Variants in LRMDA observed in about 807,000 individuals in gnomAD.
LRMDA encodes leucine rich melanocyte differentiation associated.
In LRMDA, 18 loss-of-function variants were observed where a neutral mutation model predicts 29.8. The observed-to-expected ratio is 0.60, with a 90% confidence interval of 0.42 to 0.90. The LOEUF is 0.90. LRMDA is among the 40% of genes least tolerant of loss of function. The pLI is 0.00. For missense variants in LRMDA, 273 were observed against 273.9 expected, an observed-to-expected ratio of 1.00 and a Z score of 0.02; for synonymous variants, 125 against 109.4, an observed-to-expected ratio of 1.14 and a Z score of -0.89.
chr10:76,363,174 A>AAGG (rs1564520654), intron 6 of LRMDA, among the ~76,000 whole-genome samples: 1 of 18,340 alleles, frequency 5.5e-5, no homozygotes, highest in East Asian at 5.4e-4. Context: ...AGAAAGAAAG[A>AAGG]AAGGAGGGAG....
intron 6 of LRMDA, among the ~76,000 whole-genome samples, chr10:76,337,152 G>A (rs537372502): frequency 2.0e-5 from 3 of 152,254 alleles, no homozygotes; most frequent in South Asian, 2.1e-4. Context: ...ATCCCTGGAA[G>A]TTTATTAATT....
chr10:76,194,461 T>C (rs1851300176), intron 5 of LRMDA, among the ~76,000 whole-genome samples: 1 of 151,648 alleles, frequency 6.6e-6, no homozygotes, highest in Admixed American at 6.6e-5. Context: ...GAATGAAGAG[T>C]AGAAAAATGA....
At chr10:75,750,483 C>CCGG (rs1842946958) in intron 2 of LRMDA, among the ~76,000 whole-genome samples, 1 of 45,466 alleles carries the variant, frequency 2.2e-5, no homozygotes, top group East Asian at 6.0e-4. Flanking sequence ...CCAGACGGGG[C>CCGG]GGGGGGTGGG....
At chr10:75,465,707 C>T (rs1452207769) in intron 2 of LRMDA, among the ~76,000 whole-genome samples, 1 of 152,194 alleles carries the variant, frequency 6.6e-6, no homozygotes, top group Non-Finnish European at 1.5e-5. Flanking sequence ...ACATTTCATG[C>T]TGACCACTGC....
intron 6 of LRMDA, among the ~76,000 whole-genome samples, chr10:76,522,931 C>T (rs1843136029): frequency 6.6e-6 from 1 of 152,074 alleles, no homozygotes; most frequent in South Asian, 2.1e-4. Context: ...CTTCTGTGGG[C>T]TCTTTCATGG....
intron 6 of LRMDA, chr10:76,437,390 C>A (rs2132288359): frequency 6.6e-6 from 1 of 152,312 alleles, no homozygotes; most frequent in East Asian, 1.9e-4. Flanking sequence ...GTTGCCAGAG[C>A]CAAGATAAGA....
chr10:76,544,176 C>T (rs1370473125), intron 6 of LRMDA, among the ~76,000 whole-genome samples: 8 of 152,148 alleles, frequency 5.3e-5, no homozygotes, highest in South Asian at 2.1e-4. Context: ...GCAATGTCTA[C>T]GCTGTTAATT....
chr10:75,918,634 C>T (rs1470007195), intron 2 of LRMDA, among the ~76,000 whole-genome samples: 1 of 152,202 alleles, frequency 6.6e-6, no homozygotes, highest in African/African-American at 2.4e-5. Context: ...TTAGAAGGGA[C>T]ACATATCCAA....
intron 2 of LRMDA, among the ~76,000 whole-genome samples, chr10:75,529,530 T>C (rs1466540841): frequency 6.6e-6 from 1 of 152,132 alleles, no homozygotes; most frequent in Non-Finnish European, 1.5e-5. Flanking sequence ...TCCAGGGTCA[T>C]GGGCGAGGGA....
At chr10:76,273,473 G>A (rs764262303) in intron 5 of LRMDA, among the ~76,000 whole-genome samples, 3 of 152,028 alleles carry the variant, frequency 2.0e-5, no homozygotes, top group East Asian at 1.9e-4. Flanking sequence ...TTAAAATCAC[G>A]TTGCCTTTTT....
chr10:75,955,780 T>C (rs1179601078), intron 2 of LRMDA, among the ~76,000 whole-genome samples: 2 of 152,204 alleles, frequency 1.3e-5, no homozygotes, highest in African/African-American at 4.8e-5. Flanking sequence ...TTCCTGTGGC[T>C]TGCTGAGCCC....
At chr10:76,121,109 G>A (rs1019744452) in intron 5 of LRMDA, among the ~76,000 whole-genome samples, 3 of 151,570 alleles carry the variant, frequency 2.0e-5, no homozygotes, top group African/African-American at 7.3e-5. Context: ...CCCGCACGTA[G>A]GATCTCAATT....
At chr10:76,252,527 T>A (rs933411381) in intron 5 of LRMDA, among the ~76,000 whole-genome samples, 22 of 152,186 alleles carry the variant, frequency 1.4e-4, no homozygotes, top group African/African-American at 5.3e-4. Context: ...AGCAGAGCCA[T>A]TTATCTCTGA....
chr10:75,575,495 A>C (rs1840492240), intron 2 of LRMDA, among the ~76,000 whole-genome samples: 1 of 152,222 alleles, frequency 6.6e-6, no homozygotes, highest in South Asian at 2.1e-4. Context: ...CTATTCCAAA[A>C]GGGAGAAATC....
chr10:76,549,081 T>C (rs1843456369), intron 6 of LRMDA, among the ~76,000 whole-genome samples: 1 of 152,158 alleles, frequency 6.6e-6, no homozygotes, highest in African/African-American at 2.4e-5. Flanking sequence ...CCTGCATTTT[T>C]TTCTCCTCTC....
At chr10:75,957,033 T>A (rs1296017314) in intron 2 of LRMDA, among the ~76,000 whole-genome samples, 1 of 152,242 alleles carries the variant, frequency 6.6e-6, no homozygotes, top group African/African-American at 2.4e-5. Context: ...GCATTTATAC[T>A]TTTTTAATGG....
At chr10:75,808,074 G>C (rs557546921) in intron 2 of LRMDA, among the ~76,000 whole-genome samples, 2 of 152,238 alleles carry the variant, frequency 1.3e-5, no homozygotes, top group South Asian at 4.1e-4. Flanking sequence ...TTGTCTTGGG[G>C]AATTTAAGCA....
chr10:76,213,063 G>A (rs766804033), intron 5 of LRMDA, among the ~76,000 whole-genome samples: 2 of 152,282 alleles, frequency 1.3e-5, no homozygotes, highest in South Asian at 4.1e-4. Context: ...CCCCAAAAAC[G>A]CATCCCAAAT....
chr10:76,051,783 G>A (rs1848535028), intron 4 of LRMDA, among the ~76,000 whole-genome samples: 1 of 152,164 alleles, frequency 6.6e-6, no homozygotes, highest in African/African-American at 2.4e-5. Flanking sequence ...CAAGATCACA[G>A]GGCAAGATAC....
Sources: gnomAD v4.1 joint callset for allele counts (sites outside exome capture counted in the v4.1 genomes callset) on GRCh38, gnomAD v4.1.1 for gene constraint, MANE v1.5 for transcripts, NCBI Gene and HGNC (gene_info 2026-07-23, HGNC 2026-07-21) for gene names.